ACACA: variants seen among roughly 807,000 people sequenced by gnomAD.
The protein encoded by ACACA is acetyl-CoA carboxylase alpha, also known as acetyl-CoA carboxylase 1.
A neutral mutation model predicts 296.1 loss-of-function variants in ACACA; 103 were observed. The observed-to-expected ratio is 0.35, with a 90% CI of 0.30 to 0.41. The LOEUF (loss-of-function observed/expected upper bound fraction) is 0.41, where lower values mean the gene tolerates loss of function less well. ACACA is among the 10% of genes least tolerant of loss of function. ACACA has a pLI of 1.00. For synonymous variants in ACACA, 953 were observed against 1,038.6 expected (o/e 0.92, Z 1.58); for missense variants, 1,554 against 2,989.7 (o/e 0.52, Z 11.20).
At position 37,192,295 on chromosome 17, in the gene ACACA, T is replaced by C; in HGVS notation, c.4211A>G (p.Asp1404Gly). The change falls in exon 37 of 56, where the codon GAT (aspartate) becomes GGT (glycine). Residue 1404 changes from aspartate to glycine, a missense_variant. Transcript: ENST00000616317. Reference protein sequence around the residue: ...TFRARDKFEEDRIYRHLEPAL... With the variant: ...TFRARDKFEEGRIYRHLEPAL... ...AGGCTCCAGATGACGATAGATACGA[T>C]CCTCCTCAAACTGAGTACAAGAATC... 6.2e-7 allele frequency: 1 copy of C among 1,613,748 alleles called. No homozygotes were observed. Among genetic ancestry groups the C allele is most frequent in the Non-Finnish European group, 8.5e-7 (1 of 1,179,966 alleles).
intron 1 of ACACA, among the ~76,000 whole-genome samples, chr17:37,344,404 A>T (rs1055463165): frequency 1.1e-4 from 16 of 151,876 alleles, no homozygotes; most frequent in African/African-American, 3.9e-4. Context: ...CTAAAAACAC[A>T]AAAATTAGCG....
At chr17:37,348,430 G>C (rs1489521241) in intron 1 of ACACA, among the ~76,000 whole-genome samples, 1 of 152,094 alleles carries the variant, frequency 6.6e-6, no homozygotes, top group Admixed American at 6.6e-5. Flanking sequence ...CAAGCTTCCT[G>C]AGAGAAAAAA....
chr17:37,247,090 C>G, intron 18 of ACACA, 114 bp from the exon 19 acceptor site: 1 of 1,126,880 alleles, frequency 8.9e-7, no homozygotes, highest in Non-Finnish European at 1.3e-6. Flanking sequence ...ATTATACACA[C>G]ACACAGACAT....
At chr17:37,330,568 T>C (rs527626430) in intron 2 of ACACA, 143 bp from the exon 3 acceptor site, 2 of 1,013,794 alleles carry the variant, frequency 2.0e-6, no homozygotes, top group East Asian at 5.1e-5. Flanking sequence ...CTATTCTATT[T>C]CAGGGCCTTT....
intron 3 of ACACA, among the ~76,000 whole-genome samples, chr17:37,312,298 A>G (rs1167203342): frequency 2.0e-5 from 3 of 152,190 alleles, no homozygotes; most frequent in Non-Finnish European, 4.4e-5. Flanking sequence ...CAAAGAGGGA[A>G]AAAACACTGG....
At chr17:37,226,056 T>C (rs2079529441) in intron 26 of ACACA, among the ~76,000 whole-genome samples, 1 of 152,222 alleles carries the variant, frequency 6.6e-6, no homozygotes, top group African/African-American at 2.4e-5. Flanking sequence ...TTCCTCCACC[T>C]GACCCTGGTT....
chr17:37,190,345 T>C (rs1212546826), intron 38 of ACACA, among the ~76,000 whole-genome samples: 1 of 151,706 alleles, frequency 6.6e-6, no homozygotes, highest in Admixed American at 6.6e-5. Context: ...CATGACAGTC[T>C]CTTGAACCTG....
Position 37,087,084 on chromosome 17 carries a change from C to T in ACACA, c.*232G>A. 1 of 624,752 alleles carries T rather than the reference C, an allele frequency of 1.6e-6. No homozygotes were observed. Among genetic ancestry groups the T allele is most frequent in the Non-Finnish European group, 2.8e-6 (1 of 351,572 alleles). 38.7% of individuals were successfully genotyped at this position (624,752 alleles called of 1,614,324 possible). A position where few individuals can be genotyped will look rare whatever the true frequency, so the allele number is the denominator to read the frequency against. ...CTGTGCAGGGAGTGGAGGACTAGGC[C>T]TGGCCAGGGTAATAAATACTGAATG... On this transcript the variant is annotated 3_prime_UTR_variant, in exon 56 of 56. Coordinates refer to ENST00000616317, the MANE Select transcript of ACACA (RefSeq NM_198834.3).
rs1597770723 is a variant in ACACA at position 37,086,303 on chromosome 17, T to C, written c.*1013A>G. 6.5e-6 allele frequency: 1 copy of C among 153,134 alleles called. No homozygotes were observed. Among genetic ancestry groups the C allele is most frequent in the East Asian group, 1.9e-4 (1 of 5,220 alleles). 9.5% of individuals were successfully genotyped at this position (153,134 alleles called of 1,614,324 possible). The stretch of plus-strand genomic sequence containing the variant: ...TCCTGGAACTAGGGAAGAGTGAGTG[T>C]GGAGGCACCATTAACCTCTCAAAAC... On this transcript the variant is annotated 3_prime_UTR_variant, in exon 56 of 56. Coordinates refer to ENST00000616317, the MANE Select transcript of ACACA (RefSeq NM_198834.3).
intron 41 of ACACA, among the ~76,000 whole-genome samples, chr17:37,178,705 G>T (rs2077208929): frequency 6.6e-6 from 1 of 152,118 alleles, no homozygotes; most frequent in Non-Finnish European, 1.5e-5. Flanking sequence ...GGAGGCTGAG[G>T]TGAGAGGATC....
chr17:37,324,220 G>C (rs2047482269), intron 3 of ACACA, among the ~76,000 whole-genome samples: 1 of 151,564 alleles, frequency 6.6e-6, no homozygotes, highest in Non-Finnish European at 1.5e-5. Context: ...TACAAAATTA[G>C]CCAGACGTGG....
chr17:37,113,700 G>A lies in ACACA; in HGVS notation c.6275-435C>T, dbSNP rs2074095658. Among the ~76,000 whole-genome samples, 1 of 152,196 alleles carries A rather than the reference G, an allele frequency of 6.6e-6. No individual in the cohort carries two copies. Among genetic ancestry groups the A allele is most frequent in the Admixed American group, 6.5e-5 (1 of 15,272 alleles). On this transcript the variant is annotated intron_variant, in intron 50 of 55. Coordinates refer to ENST00000616317, the MANE Select transcript of ACACA (RefSeq NM_198834.3). The surrounding 1 kb of genome is among the most constrained non-coding windows in gnomAD (Gnocchi z 4.0). ...TCTCATGATGCTTAGCATAGGATGA[G>A]CTCTTCAAATGTGCACCTAATGGAA...
At chr17:37,184,904 C>T (rs1209947664) in intron 39 of ACACA, among the ~76,000 whole-genome samples, 1 of 147,600 alleles carries the variant, frequency 6.8e-6, no homozygotes, top group South Asian at 2.1e-4. Flanking sequence ...TGAAAAGGAA[C>T]ATACACATAA....
At chr17:37,336,353 G>A (rs1036893410) in intron 2 of ACACA, among the ~76,000 whole-genome samples, 3 of 152,252 alleles carry the variant, frequency 2.0e-5, no homozygotes, top group South Asian at 4.1e-4. Context: ...TGAGAGGGGG[G>A]ACTGAGAGAC....
intron 1 of ACACA, chr17:37,379,318 C>T (rs769389552): frequency 1.2e-6 from 2 of 1,613,966 alleles, no homozygotes. Context: ...ACAGCTCTGC[C>T]TCCTCAAGCT....
intron 3 of ACACA, among the ~76,000 whole-genome samples, chr17:37,298,685 C>T (rs1289672230): frequency 2.6e-5 from 4 of 152,200 alleles, no homozygotes; most frequent in Non-Finnish European, 5.9e-5. Flanking sequence ...TATGTCAATT[C>T]TCTGCAGGGA....
intron 21 of ACACA, 78 bp downstream of exon 21, chr17:37,244,506 ACAAT>A: frequency 6.5e-7 from 1 of 1,546,968 alleles, no homozygotes; most frequent in Non-Finnish European, 8.9e-7. Flanking sequence ...TCCCTCTTAA[ACAAT>A]CATTATGAGA....
chr17:37,226,428 T>A lies in ACACA; in HGVS notation c.3271A>T (p.Thr1091Ser). The A allele has an allele frequency of 6.2e-7, 1 of 1,613,986 alleles. No homozygotes were observed. The highest frequency in any genetic ancestry group is 8.5e-7 in the Non-Finnish European group (1 of 1,179,966). Residue 1091 changes from threonine to serine, a missense_variant, in exon 26 of 56, where the codon ACT (threonine) becomes TCT (serine). Around this residue, in one of 16 missense-constraint regions of ACACA, gnomAD observed 42 missense variants for 147.5 expected, o/e 0.28. Coordinates refer to ENST00000616317, the MANE Select transcript of ACACA (RefSeq NM_198834.3). The stretch of plus-strand genomic sequence containing the variant: ...ATATTCAGCAGCTCATCAGTGAGAG[T>A]AGGGTCCCGGCCACACAACTGATCC... ...LIDQLCGRDP[T>S]LTDELLNILT...
chr17:37,337,247 T>C (rs534219556), intron 2 of ACACA, among the ~76,000 whole-genome samples: 1 of 151,504 alleles, frequency 6.6e-6, no homozygotes, highest in South Asian at 2.1e-4. Context: ...ATCCCATCCC[T>C]AAAAAAAAAT....
Sources: gnomAD v4.1 joint callset for allele counts (sites outside exome capture counted in the v4.1 genomes callset) on GRCh38, gnomAD v4.1.1 for gene constraint, gnomAD v4.1.1 regional missense constraint, Gnocchi (gnomAD v3.1) non-coding constraint, MANE v1.5 for transcripts, NCBI Gene and HGNC (gene_info 2026-07-23, HGNC 2026-07-21) for gene names.